The following ARIH1 variants were observed in gnomAD, a reference collection of about 807,000 sequenced individuals.
ARIH1 encodes E3 ubiquitin-protein ligase ARIH1.
A neutral mutation model predicts 85.0 loss-of-function variants in ARIH1; 8 were observed. The observed-to-expected ratio is 0.09, with a 90% CI of 0.06 to 0.17. The LOEUF (loss-of-function observed/expected upper bound fraction) is 0.17. Among genes scored for constraint, ARIH1 ranks in the 10% least tolerant of loss-of-function variants. ARIH1 has a pLI of 1.00. For synonymous variants in ARIH1, 238 were observed against 253.6 expected (o/e 0.94, Z 0.59); for missense variants, 311 against 718.1 (o/e 0.43, Z 6.48).
chr15:72,553,299 C>T (rs1272840650), intron 3 of ARIH1, among the ~76,000 whole-genome samples: 2 of 152,162 alleles, frequency 1.3e-5, no homozygotes, highest in African/African-American at 2.4e-5. Context: ...TTACAGGATA[C>T]TGCTTCATTT....
intron 7 of ARIH1, among the ~76,000 whole-genome samples, chr15:72,566,097 C>T (rs1267228434): frequency 6.6e-6 from 1 of 152,112 alleles, no homozygotes; most frequent in East Asian, 1.9e-4. Context: ...CTCTACAGGG[C>T]GGAGGTTCAT....
At chr15:72,512,510 G>GT (rs777185742) in intron 1 of ARIH1, among the ~76,000 whole-genome samples, 18 of 143,242 alleles carry the variant, frequency 1.3e-4, no homozygotes, top group Non-Finnish European at 1.4e-4. Context: ...TTGTTTCTCG[G>GT]TTTTTTTCTT....
At chr15:72,518,237 T>C in intron 2 of ARIH1, 103 bp downstream of exon 2, 9 of 910,968 alleles carry the variant, frequency 9.9e-6, no homozygotes, top group Non-Finnish European at 1.3e-5. Context: ...TATACCAGTA[T>C]GTGGACAACC....
chr15:72,540,812 C>T (rs188133693), intron 2 of ARIH1, among the ~76,000 whole-genome samples: 6 of 152,206 alleles, frequency 3.9e-5, no homozygotes, highest in Non-Finnish European at 7.4e-5. Context: ...CCAGCCTGGG[C>T]AACATAGTGA....
At chr15:72,477,872 C>G (rs2063800645) in intron 1 of ARIH1, among the ~76,000 whole-genome samples, 1 of 152,252 alleles carries the variant, frequency 6.6e-6, no homozygotes, top group Non-Finnish European at 1.5e-5. Flanking sequence ...GTCGCGTGAT[C>G]TCAGCTTACT....
At chr15:72,574,401 G>A (rs987259815) in intron 11 of ARIH1, among the ~76,000 whole-genome samples, 4 of 152,152 alleles carry the variant, frequency 2.6e-5, no homozygotes, top group African/African-American at 9.7e-5. Context: ...TGCCTATCTG[G>A]CCTCCTCATC....
chr15:72,519,475 G>GTGTTTTTTT (rs2063989343), intron 2 of ARIH1, among the ~76,000 whole-genome samples: 3 of 62,544 alleles, frequency 4.8e-5, no homozygotes, highest in African/African-American at 2.0e-4. Context: ...TGTTTTTTTT[G>GTGTTTTTTT]TTTTTTTTTT....
At chr15:72,564,465 A>C (rs1382775930) in intron 7 of ARIH1, among the ~76,000 whole-genome samples, 2 of 152,122 alleles carry the variant, frequency 1.3e-5, no homozygotes, top group Admixed American at 1.3e-4. Flanking sequence ...TGTCTTTCTG[A>C]ATCCTCACCA....
intron 2 of ARIH1, among the ~76,000 whole-genome samples, chr15:72,530,856 A>G (rs965527717): frequency 1.3e-5 from 2 of 152,260 alleles, no homozygotes; most frequent in Non-Finnish European, 1.5e-5. Context: ...CCATTAAAAG[A>G]TGGAAAATAC....
intron 1 of ARIH1, among the ~76,000 whole-genome samples, chr15:72,514,856 T>C (rs2063967646): frequency 6.6e-6 from 1 of 151,706 alleles, no homozygotes; most frequent in Non-Finnish European, 1.5e-5. Flanking sequence ...GAAAATTAGC[T>C]GAGTGTGGTG....
intron 1 of ARIH1, among the ~76,000 whole-genome samples, chr15:72,486,545 G>A (rs530586262): frequency 2.0e-5 from 3 of 152,036 alleles, no homozygotes; most frequent in Non-Finnish European, 4.4e-5. Flanking sequence ...ACAGCTTGGG[G>A]TATAGTTGAT....
rs1352527761 is a variant in ARIH1, at chr15:72,602,251, T to G, written c.*18959T>G. Reference sequence around the variant, plus strand: ...TTAATTTTGGTAGTTATTGCCAAACTGCTCTCAATGGAAGTTTTATGAATT... The same window carrying G: ...TTAATTTTGGTAGTTATTGCCAAACGGCTCTCAATGGAAGTTTTATGAATT... On this transcript the variant is annotated 3_prime_UTR_variant, in exon 14 of 14. Transcript: ENST00000379887. The G allele has an allele frequency of 1.3e-5, 2 of 152,260 alleles. No homozygotes were observed. The highest frequency in any genetic ancestry group is 4.8e-5 in the African/African-American group (2 of 41,480). 9.4% of individuals were successfully genotyped at this position (152,260 alleles called of 1,614,324 possible). A position where few individuals can be genotyped will look rare whatever the true frequency, so the allele number is the denominator to read the frequency against.
chr15:72,493,110 T>C (rs1251004700), intron 1 of ARIH1, among the ~76,000 whole-genome samples: 2 of 152,182 alleles, frequency 1.3e-5, no homozygotes, highest in Non-Finnish European at 2.9e-5. Context: ...AGACCTCTGA[T>C]TTAGAGTTCT....
In ARIH1 at chr15:72,600,255, C is replaced by T. The variant is rs1437677279; in HGVS notation, c.*16963C>T. ...TGCCATTTTTTTTGTATGCCCAGCA[C>T]AGCTATATGATTTGAATAATCTTGA... On this transcript the variant is annotated 3_prime_UTR_variant, in exon 14 of 14. Coordinates refer to ENST00000379887, the MANE Select transcript of ARIH1 (RefSeq NM_005744.5). 6.6e-6 allele frequency: 1 copy of T among 152,126 alleles called. No individual in the cohort carries two copies. The highest frequency in any genetic ancestry group is 1.9e-4 in the East Asian group (1 of 5,206). 9.4% of individuals were successfully genotyped at this position (152,126 alleles called of 1,614,324 possible). A position where few individuals can be genotyped will look rare whatever the true frequency, so the allele number is the denominator to read the frequency against.
chr15:72,574,183 T>C (rs1358852277), intron 11 of ARIH1, among the ~76,000 whole-genome samples: 2 of 152,218 alleles, frequency 1.3e-5, no homozygotes, highest in Non-Finnish European at 2.9e-5. Context: ...GAGGGTGGGT[T>C]ATGTGCATAG....
chr15:72,542,531 C>G (rs1298912288), intron 2 of ARIH1, among the ~76,000 whole-genome samples: 1 of 152,022 alleles, frequency 6.6e-6, no homozygotes, highest in Non-Finnish European at 1.5e-5. Context: ...ATTTAAATGT[C>G]CTTCAGAATA....
chr15:72,569,127 G>T (rs1349873634), intron 9 of ARIH1, among the ~76,000 whole-genome samples: 1 of 152,038 alleles, frequency 6.6e-6, no homozygotes, highest in Non-Finnish European at 1.5e-5. Flanking sequence ...TGGGCAACAT[G>T]GTGAAACCCC....
chr15:72,483,325 T>G (rs1358024621), intron 1 of ARIH1, among the ~76,000 whole-genome samples: 1 of 152,250 alleles, frequency 6.6e-6, no homozygotes, highest in Non-Finnish European at 1.5e-5. Context: ...GTAGCTTGTT[T>G]CCTCCAGAGT....
At chr15:72,544,416 CAGCACAACTTTAATCCTT>C (rs2064120270) in intron 2 of ARIH1, among the ~76,000 whole-genome samples, 1 of 152,158 alleles carries the variant, frequency 6.6e-6, no homozygotes, top group African/African-American at 2.4e-5. Context: ...ACCCCAGCAA[CAGCACAACTTTAATCCTT>C]AAGTTTTAGT....
Sources: allele counts gnomAD v4.1 joint callset (sites outside exome capture counted in the v4.1 genomes callset), GRCh38; gene constraint gnomAD v4.1.1; transcripts MANE v1.5; gene names NCBI Gene and HGNC (gene_info 2026-07-23, HGNC 2026-07-21).